CNTLN: variants seen among roughly 807,000 people sequenced by gnomAD.
CNTLN encodes centlein.
Under a neutral mutation model 180.0 loss-of-function variants are expected in CNTLN, and 212 were observed. That is an observed-to-expected ratio of 1.18 (90% confidence interval 1.05 to 1.32). The LOEUF is 1.32. Among genes scored for constraint, CNTLN ranks in the 40% most tolerant of loss-of-function variants. The pLI, the probability that CNTLN is intolerant of heterozygous loss-of-function variation, is 0.00. For synonymous variants in CNTLN, 722 were observed against 563.1 expected (o/e 1.28, Z -3.99); for missense variants, 2,095 against 1,610.9 (o/e 1.30, Z -5.14).
the CNTLN span, among the ~76,000 whole-genome samples, chr9:17,512,971 T>C: frequency 5.3e-5 from 8 of 152,062 alleles, no homozygotes; most frequent in Middle Eastern, 3.4e-3. Context: ...CGCCCACCAC[T>C]ATGCCCAGCT....
In CNTLN at chr9:17,394,672, G is replaced by A. The variant is rs1489873795; in HGVS notation, c.2218G>A (p.Glu740Lys). 6.2e-7 allele frequency: 1 copy of A among 1,612,896 alleles called. No individual in the cohort carries two copies. Among genetic ancestry groups the A allele is most frequent in the Non-Finnish European group, 8.5e-7 (1 of 1,179,592 alleles). Residue 740 changes from glutamate (E) to lysine (K), a missense_variant, in exon 15 of 26, where the codon GAA becomes AAA. Transcript: ENST00000380647. Reference protein sequence around the residue: ...KQQQEDTETREKELEQIIKGS... With the variant: ...KQQQEDTETRKKELEQIIKGS... ...GCAACAAGAAGATACAGAGACCAGAGAAAAAGAGCTAGAACAGATAATAAA... is the reference window on the plus strand; with the variant it reads ...GCAACAAGAAGATACAGAGACCAGAAAAAAAGAGCTAGAACAGATAATAAA...
intron 7 of CNTLN, chr9:17,301,288 T>C (rs1364231974): frequency 1.0e-6 from 1 of 985,434 alleles, no homozygotes; most frequent in Non-Finnish European, 1.2e-6. Context: ...GGGGTACATT[T>C]TGAAACCGTA....
intron 15 of CNTLN, among the ~76,000 whole-genome samples, chr9:17,407,964 A>G (rs1827527928): frequency 6.6e-6 from 1 of 151,770 alleles, no homozygotes; most frequent in African/African-American, 2.4e-5. Context: ...CATCTCTCCT[A>G]AAAATACAAA....
intron 12 of CNTLN, among the ~76,000 whole-genome samples, chr9:17,350,810 A>G (rs1002254987): frequency 2.0e-5 from 3 of 152,090 alleles, no homozygotes; most frequent in African/African-American, 7.2e-5. Flanking sequence ...CAAAGTCCCC[A>G]TCTCCGACTA....
rs751662811 is a variant in CNTLN, at chr9:17,465,961, C to A, written c.3532-20C>A. The A allele has an allele frequency of 6.3e-7, 1 of 1,582,868 alleles. No homozygotes were observed. Among genetic ancestry groups the A allele is most frequent in the Non-Finnish European group, 8.6e-7 (1 of 1,160,600 alleles). On this transcript the variant is annotated intron_variant, in intron 21 of 25. Transcript: ENST00000380647. Reference sequence around the variant, plus strand: ...AGAATGCCTTCAACAATAATAATTACCTTTATGCTTTTAATGTAGGTAAAG... The same window carrying A: ...AGAATGCCTTCAACAATAATAATTAACTTTATGCTTTTAATGTAGGTAAAG...
chr9:17,400,984 A>G (rs1826928426), intron 15 of CNTLN, among the ~76,000 whole-genome samples: 1 of 152,172 alleles, frequency 6.6e-6, no homozygotes, highest in African/African-American at 2.4e-5. Context: ...GGAAATTTTT[A>G]TACTGCTATT....
intron 12 of CNTLN, among the ~76,000 whole-genome samples, chr9:17,351,527 C>T (rs1822361980): frequency 6.6e-6 from 1 of 152,122 alleles, no homozygotes; most frequent in South Asian, 2.1e-4. Context: ...TTTCCTCAAA[C>T]CAGAAACCAT....
chr9:17,261,459 T>C (rs1315208369), intron 5 of CNTLN, among the ~76,000 whole-genome samples: 3 of 151,492 alleles, frequency 2.0e-5, no homozygotes, highest in African/African-American at 7.3e-5. Context: ...TTGTGTTTGA[T>C]TTGCTTTGCA....
chr9:17,446,295 A>G (rs1176075576), intron 18 of CNTLN, among the ~76,000 whole-genome samples: 2 of 152,130 alleles, frequency 1.3e-5, no homozygotes, highest in African/African-American at 4.8e-5. Flanking sequence ...TACGAGAAAC[A>G]CCCACAGGTG....
intron 15 of CNTLN, among the ~76,000 whole-genome samples, chr9:17,406,422 T>C (rs1827396446): frequency 6.6e-6 from 1 of 151,816 alleles, no homozygotes; most frequent in African/African-American, 2.4e-5. Flanking sequence ...GCAGGAACTT[T>C]TAACTTAGGG....
chr9:17,430,057 T>G (rs116302918), intron 18 of CNTLN, among the ~76,000 whole-genome samples: 3 of 151,994 alleles, frequency 2.0e-5, no homozygotes, highest in African/African-American at 7.2e-5. Context: ...TTTGAATTGA[T>G]TGTTCATCTG....
chr9:17,504,404 C>G (rs1476122127), downstream of CNTLN, among the ~76,000 whole-genome samples: 1 of 152,102 alleles, frequency 6.6e-6, no homozygotes, highest in Non-Finnish European at 1.5e-5. Flanking sequence ...AAAAATGAGA[C>G]TGCTAGTATG....
intron 18 of CNTLN, among the ~76,000 whole-genome samples, chr9:17,420,864 A>T (rs1312027911): frequency 6.6e-6 from 1 of 152,072 alleles, no homozygotes; most frequent in African/African-American, 2.4e-5. Context: ...TGTTTCTATA[A>T]TTTCCAAAGT....
At chr9:17,451,080 A>ACT (rs1830751948) in intron 18 of CNTLN, among the ~76,000 whole-genome samples, 1 of 152,166 alleles carries the variant, frequency 6.6e-6, no homozygotes, top group Non-Finnish European at 1.5e-5. Flanking sequence ...ATACCTGGAC[A>ACT]GCATGCAGAA....
intron 7 of CNTLN, among the ~76,000 whole-genome samples, chr9:17,307,996 A>ACACACACACAC (rs1818846098): frequency 6.6e-6 from 1 of 151,448 alleles, no homozygotes; most frequent in Admixed American, 6.6e-5. Flanking sequence ...ACACACACAC[A>ACACACACACAC]CACACACACA....
chr9:17,427,192 G>A (rs1829141501), intron 18 of CNTLN, among the ~76,000 whole-genome samples: 1 of 152,002 alleles, frequency 6.6e-6, no homozygotes, highest in Non-Finnish European at 1.5e-5. Context: ...CCATGCAGCA[G>A]GTGCTACCGA....
rs576847615 is a variant in CNTLN, at chr9:17,482,881, T to G, written c.3856-1414T>G. Reference sequence around the variant, plus strand: ...TTTATTTAATAATCTTCTAAATGATTACAAATGGATAAAAAAATTTTAACT... The same window carrying G: ...TTTATTTAATAATCTTCTAAATGATGACAAATGGATAAAAAAATTTTAACT... On this transcript the variant is annotated intron_variant, in intron 23 of 25. Transcript: ENST00000380647. Among the ~76,000 whole-genome samples the G allele has an allele frequency of 3.3e-5, 5 of 152,118 alleles. No individual in the cohort carries two copies. The South Asian group carries it at 8.3e-4, about 25-fold the overall frequency.
chr9:17,254,050 T>C (rs1277810185), intron 5 of CNTLN, among the ~76,000 whole-genome samples: 1 of 151,700 alleles, frequency 6.6e-6, no homozygotes, highest in Non-Finnish European at 1.5e-5. Context: ...TTTTTGTCCT[T>C]CAGTTCATTG....
At chr9:17,261,024 T>C (rs976729494) in intron 5 of CNTLN, among the ~76,000 whole-genome samples, 2 of 151,392 alleles carry the variant, frequency 1.3e-5, no homozygotes, top group East Asian at 1.9e-4. Context: ...TTCTGTTCCA[T>C]TGGTCTCTGT....
Sources: allele counts gnomAD v4.1 joint callset (sites outside exome capture counted in the v4.1 genomes callset), GRCh38; gene constraint gnomAD v4.1.1; transcripts MANE v1.5; gene names NCBI Gene and HGNC (gene_info 2026-07-23, HGNC 2026-07-21).